The following DENND2B variants were observed in gnomAD, a reference collection of about 807,000 sequenced individuals.
DENND2B encodes the protein DENN domain containing 2B, also known as DENN domain-containing protein 2B.
In DENND2B, 32 loss-of-function variants were observed where a neutral mutation model predicts 116.0. The ratio of observed to expected loss-of-function variants is 0.28; its 90% confidence interval spans 0.21 to 0.37. The LOEUF (loss-of-function observed/expected upper bound fraction) is 0.37, where lower values mean the gene tolerates loss of function less well. DENND2B is among the 10% of genes least tolerant of loss of function. The pLI is 1.00. For missense variants in DENND2B, 1,276 were observed against 1,477.7 expected (o/e 0.86, Z 2.24); for synonymous variants, 588 against 583.9 (o/e 1.01, Z -0.10).
At position 8,896,642 on chromosome 11, in the gene DENND2B, A is replaced by G. The variant is rs183351178; in HGVS notation, c.-256+14179T>C. ...TACATTCAGTGGAAACCATATGTTGAATACCCACACAACCATTCTGTTTTT... is the reference window on the plus strand; with the variant it reads ...TACATTCAGTGGAAACCATATGTTGGATACCCACACAACCATTCTGTTTTT... On this transcript the variant is annotated intron_variant, in intron 1 of 22. Coordinates refer to the DENND2B transcript ENST00000534127. 2.6e-5 allele frequency among the ~76,000 whole-genome samples: 4 copies of G among 152,326 alleles called. No individual in the cohort carries two copies. In the East Asian group the frequency reaches 5.8e-4, roughly 22 times the overall value.
chr11:8,854,246 G>A (rs2063117930), intron 3 of DENND2B, among the ~76,000 whole-genome samples: 1 of 151,840 alleles, frequency 6.6e-6, no homozygotes, highest in South Asian at 2.1e-4. Flanking sequence ...CTGTTACCCA[G>A]GCTAGAGTGC....
chr11:8,756,953 A>G, intron 1 of DENND2B: 1 of 451,086 alleles, frequency 2.2e-6, no homozygotes, highest in Non-Finnish European at 4.4e-6. Flanking sequence ...AGCATATACC[A>G]TCCATCCAAA....
intron 1 of DENND2B, among the ~76,000 whole-genome samples, chr11:8,792,459 G>A (rs1168222269): frequency 6.6e-6 from 1 of 152,050 alleles, no homozygotes; most frequent in African/African-American, 2.4e-5. Flanking sequence ...TAAAACATGT[G>A]AAAGGCAAAT....
chr11:8,909,740 T>G (rs2064290834), intron 1 of DENND2B: 1 of 152,222 alleles, frequency 6.6e-6, no homozygotes, highest in African/African-American at 2.4e-5. Flanking sequence ...GGTCGGCTAC[T>G]ACTCACCTGG....
At chr11:8,817,586 C>A (rs1476183749) in intron 4 of DENND2B, among the ~76,000 whole-genome samples, 1 of 152,142 alleles carries the variant, frequency 6.6e-6, no homozygotes, top group African/African-American at 2.4e-5. Context: ...GTCTATAATT[C>A]TTCTAGACCC....
At chr11:8,801,304 C>T (rs1045196454) in intron 1 of DENND2B, among the ~76,000 whole-genome samples, 6 of 152,056 alleles carry the variant, frequency 3.9e-5, no homozygotes, top group African/African-American at 1.2e-4. Context: ...CTGCTGATAC[C>T]GTCTGCCCAA....
chr11:8,767,875 T>C (rs2056144923), intron 1 of DENND2B, among the ~76,000 whole-genome samples: 1 of 152,172 alleles, frequency 6.6e-6, no homozygotes, highest in African/African-American at 2.4e-5. Flanking sequence ...GGGCCACAGA[T>C]TAACCCTCCC....
chr11:8,804,620 C>G (rs2060672154), intron 1 of DENND2B, among the ~76,000 whole-genome samples: 2 of 147,372 alleles, frequency 1.4e-5, no homozygotes, highest in African/African-American at 5.0e-5. Flanking sequence ...TCTCAGCTCA[C>G]TGCAACCTCC....
chr11:8,779,453 T>C (rs529681926), intron 1 of DENND2B, among the ~76,000 whole-genome samples: 1 of 152,136 alleles, frequency 6.6e-6, no homozygotes, highest in Non-Finnish European at 1.5e-5. Flanking sequence ...TCTCTGCACC[T>C]ACCTCTGCCA....
At chr11:8,899,834 A>G (rs983421567) in intron 1 of DENND2B, among the ~76,000 whole-genome samples, 11 of 152,332 alleles carry the variant, frequency 7.2e-5, no homozygotes, top group African/African-American at 2.6e-4. Context: ...ACTTTTTCTC[A>G]TAACTTCTTT....
At chr11:8,843,672 A>G (rs745531130) in intron 3 of DENND2B, among the ~76,000 whole-genome samples, 64 of 152,062 alleles carry the variant, frequency 4.2e-4, no homozygotes, top group Non-Finnish European at 6.6e-4. Context: ...CGGAATACAC[A>G]AATCCTGTCA....
At position 8,711,231 on chromosome 11, in the gene DENND2B, G is replaced by A. The variant is rs1250776997; in HGVS notation, c.2173C>T (p.Leu725=). The change falls in exon 10 of 20, where the codon CTG becomes TTG. Residue 725 remains leucine, a splice_region_variant and synonymous_variant. Transcript: ENST00000313726. ...LPEVSYQFPK[L]DRPTKQMREA... The stretch of plus-strand genomic sequence containing the variant: ...CGCATCTGCTTGGTGGGTCGGTCCA[G>A]CTGCAGGGAAGAAGGAACCAGGAGA... 1 of 1,613,676 alleles carries A rather than the reference G, an allele frequency of 6.2e-7. No homozygotes were observed. The highest frequency in any genetic ancestry group is 1.7e-5 in the Admixed American group (1 of 60,010).
chr11:8,696,129 T>C, intron 18 of DENND2B: 1 of 418,914 alleles, frequency 2.4e-6, no homozygotes, highest in Non-Finnish European at 4.3e-6. Flanking sequence ...TTTCTCTGGA[T>C]AGAAGGGCTT....
intron 1 of DENND2B, among the ~76,000 whole-genome samples, chr11:8,910,592 T>C (rs893733979): frequency 2.4e-4 from 35 of 147,760 alleles, no homozygotes; most frequent in Non-Finnish European, 3.0e-4. Flanking sequence ...GTTGTCGCTA[T>C]GTTGCCTACC....
chr11:8,819,163 G>A (rs1373669650), intron 4 of DENND2B, among the ~76,000 whole-genome samples: 6 of 152,164 alleles, frequency 3.9e-5, no homozygotes, highest in Non-Finnish European at 8.8e-5. Context: ...GAGAGGCCAA[G>A]ACAGGAAGAT....
At chr11:8,694,408 A>C (rs2039949773) in intron 19 of DENND2B, 1 of 485,162 alleles carries the variant, frequency 2.1e-6, no homozygotes, top group Admixed American at 3.2e-5. Flanking sequence ...TGGCGGGCTG[A>C]GCACCCTGCA....
At chr11:8,771,547 G>GAA (rs2056871936) in intron 1 of DENND2B, 1 of 149,938 alleles carries the variant, frequency 6.7e-6, no homozygotes, top group East Asian at 2.0e-4. Context: ...GAGAGAGAGA[G>GAA]AGAGAGAGAG....
At chr11:8,722,868 C>G (rs1359721030) in intron 4 of DENND2B, among the ~76,000 whole-genome samples, 1 of 152,196 alleles carries the variant, frequency 6.6e-6, no homozygotes, top group African/African-American at 2.4e-5. Context: ...CATCCTCCCC[C>G]TCTCTTCTTT....
chr11:8,762,893 T>C (rs1008658896), intron 1 of DENND2B, among the ~76,000 whole-genome samples: 7 of 152,136 alleles, frequency 4.6e-5, no homozygotes, highest in Non-Finnish European at 1.5e-5. Context: ...TGAAAAACAC[T>C]GACAAATTAG....
Sources: allele counts gnomAD v4.1 joint callset (sites outside exome capture counted in the v4.1 genomes callset), GRCh38; gene constraint gnomAD v4.1.1; transcripts MANE v1.5; gene names NCBI Gene and HGNC (gene_info 2026-07-23, HGNC 2026-07-21).